CHML: variants seen among roughly 807,000 people sequenced by gnomAD.
CHML encodes the protein CHM like Rab escort protein, also known as rab proteins geranylgeranyltransferase component A 2.
A neutral mutation model predicts 30.4 loss-of-function variants in CHML; 20 were observed. The observed-to-expected ratio is 0.66, with a 90% CI of 0.46 to 0.95. The LOEUF is 0.95. CHML is among the 40% of genes least tolerant of loss of function. The pLI, the probability that CHML is intolerant of heterozygous loss-of-function variation, is 0.00. For missense variants in CHML, 795 were observed against 768.5 expected, an observed-to-expected ratio of 1.03 and a Z score of -0.41; for synonymous variants, 281 against 275.0, an observed-to-expected ratio of 1.02 and a Z score of -0.22.
In CHML at chr1:241,635,823, A is replaced by G; in HGVS notation, c.-57T>C. ...CTGATGAAAGAAATGAGGTGTGATT[A>G]TGCTGTAATAAAATCTGTCCTTCTG... On this transcript the variant is annotated 5_prime_UTR_variant, in exon 2 of 2. Transcript: ENST00000366553. 1 of 1,508,148 alleles carries G rather than the reference A, an allele frequency of 6.6e-7. No homozygotes were observed. The allele number at this position is 1,508,148 out of a possible 1,614,324, so 93.4% of individuals were successfully genotyped here. A position where few individuals can be genotyped will look rare whatever the true frequency, so the allele number is the denominator to read the frequency against.
chr1:241,635,660 T>G lies in CHML; in HGVS notation c.107A>C (p.His36Pro). 6.2e-7 allele frequency: 1 copy of G among 1,614,090 alleles called. No individual in the cohort carries two copies. The highest frequency in any genetic ancestry group is 1.1e-5 in the South Asian group (1 of 91,080). ...TCCATAGTAGCTTCTTGAATCAATA[T>G]GCAGAACCCTCTGACCACTTCTTGA... ...ACSRSGQRVL[H>P]IDSRSYYGGN... Residue 36 changes from histidine to proline, a missense_variant, in exon 2 of 2, where the codon CAT (histidine) becomes CCT (proline). Coordinates refer to ENST00000366553, the MANE Select transcript of CHML (RefSeq NM_001381853.1).
At position 241,635,644 on chromosome 1, in the gene CHML, G is replaced by C; in HGVS notation, c.123C>G (p.Ser41Arg). 1.2e-6 allele frequency: 2 copies of C among 1,614,040 alleles called. No homozygotes were observed. Among genetic ancestry groups the C allele is most frequent in the East Asian group, 2.2e-5 (1 of 44,876 alleles). ...GQRVLHIDSRSYYGGNWASFS... is the reference protein window; with the variant it reads ...GQRVLHIDSRRYYGGNWASFS... ...AACTAGCCCAGTTTCCTCCATAGTA[G>C]CTTCTTGAATCAATATGCAGAACCC... Residue 41 changes from serine to arginine, a missense_variant, in exon 2 of 2, where the codon AGC becomes AGG. Coordinates refer to ENST00000366553, the MANE Select transcript of CHML (RefSeq NM_001381853.1).
At chr1:241,639,710 G>A (rs1449828961) in intron 1 of CHML, among the ~76,000 whole-genome samples, 172 bp downstream of exon 1, 7 of 151,184 alleles carry the variant, frequency 4.6e-5, no homozygotes. Flanking sequence ...ATGCGGCTGG[G>A]GTCGGGCAGC....
chr1:241,634,200 C>G lies in CHML; in HGVS notation c.1567G>C (p.Glu523Gln), dbSNP rs1404756804. The change falls in exon 2 of 2, where the codon GAA (glutamate) becomes CAA (glutamine). Residue 523 changes from glutamate to glutamine, a missense_variant. Coordinates refer to ENST00000366553, the MANE Select transcript of CHML (RefSeq NM_001381853.1). ...SSSKTAREDL[E>Q]SVVKKLFTPY... is the part of the protein sequence containing the mutation. ...GTGAATAATTTCTTCACCACTGATT[C>G]TAAGTCTTCTCTTGCTGTTTTAGAA... 1.9e-6 allele frequency: 3 copies of G among 1,613,856 alleles called. No homozygotes were observed. The highest frequency in any genetic ancestry group is 1.3e-5 in the African/African-American group (1 of 74,914).
Position 241,635,721 on chromosome 1 carries a change from T to C in CHML, c.46A>G (p.Thr16Ala), listed in dbSNP as rs1348190809. 3.1e-6 allele frequency: 5 copies of C among 1,613,784 alleles called. No individual in the cohort carries two copies. The highest frequency in any genetic ancestry group is 4.2e-6 in the Non-Finnish European group (5 of 1,179,886). ...GCAAGGATGGATTCGGGCAAACCTG[T>C]CCCTATTATAACCACATCAAACTCT... Reference protein sequence around the residue: ...PTEFDVVIIGTGLPESILAAA... With the variant: ...PTEFDVVIIGAGLPESILAAA... Residue 16 changes from threonine (T) to alanine (A), a missense_variant, in exon 2 of 2, where the codon ACA becomes GCA. By Grantham distance (58) the Thr-to-Ala change is moderately conservative. Coordinates refer to ENST00000366553, the MANE Select transcript of CHML (RefSeq NM_001381853.1).
chr1:241,640,260 G>A lies in CHML; in HGVS notation c.-686C>T. On this transcript the variant is annotated 5_prime_UTR_variant, in exon 1 of 2. Transcript: ENST00000366553. ...CTGCGGTTCCCCGAGTACATGGCCC[G>A]GCGCCGGCGCGCCTGGCGGGCGGAG... The A allele has an allele frequency of 1.7e-6, 2 of 1,200,282 alleles. No homozygotes were observed. The highest frequency in any genetic ancestry group is 2.1e-6 in the Non-Finnish European group (2 of 969,786). 74.4% of individuals were successfully genotyped at this position (1,200,282 alleles called of 1,614,324 possible).
Position 241,635,857 on chromosome 1 carries a change from G to C in CHML, c.-91C>G, listed in dbSNP as rs1353669285. ...TAAAATCTGTCCTTCTGATGTTCCA[G>C]TTATCCCAGAAGCACTGAAGTTGCA... On this transcript the variant is annotated 5_prime_UTR_variant, in exon 2 of 2. Transcript: ENST00000366553. The C allele has an allele frequency of 3.0e-6, 4 of 1,317,156 alleles. No homozygotes were observed. The highest frequency in any genetic ancestry group is 3.1e-6 in the Non-Finnish European group (3 of 955,694). 81.6% of individuals were successfully genotyped at this position (1,317,156 alleles called of 1,614,324 possible). A position where few individuals can be genotyped will look rare whatever the true frequency, so the allele number is the denominator to read the frequency against.
intron 1 of CHML, among the ~76,000 whole-genome samples, chr1:241,637,021 C>T (rs1041699371): frequency 3.3e-5 from 5 of 152,060 alleles, no homozygotes; most frequent in Middle Eastern, 3.4e-3. Context: ...ATTCCATGTG[C>T]GGAAGACATC....
Position 241,635,524 on chromosome 1 carries a change from A to T in CHML, c.243T>A (p.His81Gln). 1 of 1,613,934 alleles carries T rather than the reference A, an allele frequency of 6.2e-7. No homozygotes were observed. Among genetic ancestry groups the T allele is most frequent in the East Asian group, 2.2e-5 (1 of 44,872 alleles). ...ESTVVWQDLI[H>Q]ETEEAITLRK... ...GAAGAGTGATGGCTTCTTCTGTTTC[A>T]TGGATCAGGTCCTGCCATACAACAG... Residue 81 changes from histidine to glutamine, a missense_variant, in exon 2 of 2, where the codon CAT (histidine) becomes CAA (glutamine). By Grantham distance (24) the His-to-Gln change is conservative. Transcript: ENST00000366553.
In CHML at chr1:241,640,029, T is replaced by C. The variant is rs1665058031; in HGVS notation, c.-455A>G. 1 of 1,612,620 alleles carries C rather than the reference T, an allele frequency of 6.2e-7. No homozygotes were observed. Among genetic ancestry groups the C allele is most frequent in the Admixed American group, 1.7e-5 (1 of 59,920 alleles). On this transcript the variant is annotated 5_prime_UTR_variant, in exon 1 of 2. Coordinates refer to ENST00000366553, the MANE Select transcript of CHML (RefSeq NM_001381853.1). ...CTGATGTTGACCAGGAGGAGGTGAG[T>C]GGGAGTGCGGAGCCGCTGGAACTTG... is the stretch of plus-strand genomic sequence containing the variant.
intron 1 of CHML, among the ~76,000 whole-genome samples, chr1:241,637,506 G>T (rs557567925): frequency 6.6e-6 from 1 of 152,314 alleles, no homozygotes; most frequent in African/African-American, 2.4e-5. Context: ...AGGGTGTGAA[G>T]ATGGAGACTG....
rs758992113 is a variant in CHML, at chr1:241,632,336, A to T, written c.*1460T>A. 2.0e-5 allele frequency: 3 copies of T among 152,188 alleles called. No individual in the cohort carries two copies. The highest frequency in any genetic ancestry group is 4.4e-5 in the Non-Finnish European group (3 of 68,064). 9.4% of individuals were successfully genotyped at this position (152,188 alleles called of 1,614,324 possible). On this transcript the variant is annotated 3_prime_UTR_variant, in exon 2 of 2. Coordinates refer to ENST00000366553, the MANE Select transcript of CHML (RefSeq NM_001381853.1). ...AAATTACCATCTCAGGTGTGTCTTT[A>T]TCAACAGCATGAGAACACACTAATA...
In CHML at chr1:241,640,263, G is replaced by A. The variant is rs1665074284; in HGVS notation, c.-689C>T. On this transcript the variant is annotated 5_prime_UTR_variant, in exon 1 of 2. Coordinates refer to ENST00000366553, the MANE Select transcript of CHML (RefSeq NM_001381853.1). The stretch of plus-strand genomic sequence containing the variant: ...CGGTTCCCCGAGTACATGGCCCGGC[G>A]CCGGCGCGCCTGGCGGGCGGAGGCG... The A allele has an allele frequency of 5.0e-6, 6 of 1,197,094 alleles. No homozygotes were observed. Among genetic ancestry groups the A allele is most frequent in the Non-Finnish European group, 6.2e-6 (6 of 967,754 alleles). The allele number at this position is 1,197,094 out of a possible 1,614,324, so 74.2% of individuals were successfully genotyped here. A position where few individuals can be genotyped will look rare whatever the true frequency, so the allele number is the denominator to read the frequency against.
At chr1:241,638,655 T>C (rs570908747) in intron 1 of CHML, among the ~76,000 whole-genome samples, 19 of 152,204 alleles carry the variant, frequency 1.2e-4, no homozygotes, top group African/African-American at 4.1e-4. Context: ...AAATTTCAAA[T>C]GTTTGTTCAA....
rs891598902 is a variant in CHML at position 241,631,361 on chromosome 1, G to A, written c.*2435C>T. 6.6e-6 allele frequency: 1 copy of A among 151,330 alleles called. No individual in the cohort carries two copies. Among genetic ancestry groups the A allele is most frequent in the African/African-American group, 2.4e-5 (1 of 41,158 alleles). The allele number at this position is 151,330 out of a possible 1,614,324, so 9.4% of individuals were successfully genotyped here. A position where few individuals can be genotyped will look rare whatever the true frequency, so the allele number is the denominator to read the frequency against. ...AATCTGTGATACTGAAAATCTTTTC[G>A]GTAGATCTGGAATACCTTCACCTTC... is the stretch of plus-strand genomic sequence containing the variant. On this transcript the variant is annotated 3_prime_UTR_variant, in exon 2 of 2. Transcript: ENST00000366553.
rs1462966927 is a variant in CHML at position 241,635,780 on chromosome 1, A to G, written c.-14T>C. 1 of 1,601,042 alleles carries G rather than the reference A, an allele frequency of 6.2e-7. No homozygotes were observed. Among genetic ancestry groups the G allele is most frequent in the East Asian group, 2.2e-5 (1 of 44,734 alleles). The stretch of plus-strand genomic sequence containing the variant: ...ATTGTCCGCCATTTTAGGAAGTAAC[A>G]GCGTCTGGTGACAACTGCTGATGAA... On this transcript the variant is annotated 5_prime_UTR_variant, in exon 2 of 2. Transcript: ENST00000366553.
rs1214578002 is a variant in CHML at position 241,633,862 on chromosome 1, C to T, written c.1905G>A (p.Met635Ile). 1 of 1,613,858 alleles carries T rather than the reference C, an allele frequency of 6.2e-7. No homozygotes were observed. Among genetic ancestry groups the T allele is most frequent in the Non-Finnish European group, 8.5e-7 (1 of 1,179,806 alleles). ...PEAPGTNNVV[M>I]AKLESSEESK... is the part of the protein sequence containing the mutation. Reference sequence around the variant, plus strand: ...TTTCCTCAGAGGATTCTAGTTTGGCCATTACTACATTATTGGTTCCAGGAG... The same window carrying T: ...TTTCCTCAGAGGATTCTAGTTTGGCTATTACTACATTATTGGTTCCAGGAG... Residue 635 changes from methionine (M) to isoleucine (I), a missense_variant, in exon 2 of 2, where the codon ATG becomes ATA. By Grantham distance (10) the Met-to-Ile change is conservative. Transcript: ENST00000366553.
In CHML at chr1:241,635,100, C is replaced by T; in HGVS notation, c.667G>A (p.Val223Ile). 1 of 1,612,824 alleles carries T rather than the reference C, an allele frequency of 6.2e-7. No individual in the cohort carries two copies. The highest frequency in any genetic ancestry group is 8.5e-7 in the Non-Finnish European group (1 of 1,179,856). ...IRNRITYSQI[V>I]KEGRRFNIDL... ...ATATTAAACCTCCTGCCTTCTTTAACTATTTGAGAGTAAGTAATCCTATTT... is the reference window on the plus strand; with the variant it reads ...ATATTAAACCTCCTGCCTTCTTTAATTATTTGAGAGTAAGTAATCCTATTT... Residue 223 changes from valine (V) to isoleucine (I), a missense_variant, in exon 2 of 2, where the codon GTT becomes ATT. Physicochemically the swap from Val to Ile is conservative, Grantham distance 29. Transcript: ENST00000366553.
chr1:241,639,546 GTGCCTTGT>G (rs1573970903), intron 1 of CHML, among the ~76,000 whole-genome samples: 1 of 151,892 alleles, frequency 6.6e-6, no homozygotes, highest in East Asian at 1.9e-4. Flanking sequence ...CCGTGGTTTC[GTGCCTTGT>G]TGAGTGATCT....
Sources: allele counts gnomAD v4.1 joint callset (sites outside exome capture counted in the v4.1 genomes callset), GRCh38; gene constraint gnomAD v4.1.1; transcripts MANE v1.5; gene names NCBI Gene and HGNC (gene_info 2026-07-23, HGNC 2026-07-21).